Variants in STMN1 observed in about 807,000 individuals in gnomAD.
STMN1 encodes the protein stathmin 1, also known as stathmin.
In STMN1, 3 loss-of-function variants were observed where a neutral mutation model predicts 19.7. The observed-to-expected ratio is 0.15, with a 90% confidence interval of 0.07 to 0.39. STMN1 has a LOEUF of 0.39. Among genes scored for constraint, STMN1 ranks in the 10% least tolerant of loss-of-function variants. The pLI is 1.00. For synonymous variants in STMN1, 59 were observed against 58.9 expected (o/e 1.00, Z -0.01); for missense variants, 99 against 176.0 (o/e 0.56, Z 2.48).
chr1:25,897,914 G>A (rs2048833342), downstream of STMN1, among the ~76,000 whole-genome samples: 1 of 152,272 alleles, frequency 6.6e-6, no homozygotes, highest in South Asian at 2.1e-4. Context: ...CAAGTTTAGA[G>A]CACATGTCCC....
At chr1:25,898,843 A>G (rs1250146345), downstream of STMN1, among the ~76,000 whole-genome samples, 3 of 152,206 alleles carry the variant, frequency 2.0e-5, no homozygotes, top group African/African-American at 7.2e-5. Flanking sequence ...ATGCATACCC[A>G]GAGACACTTC....
At chr1:25,892,626 C>A (rs1451284261) in intron 4 of STMN1, 1 of 984,134 alleles carries the variant, frequency 1.0e-6, no homozygotes, top group African/African-American at 1.8e-5. Context: ...AAACAACCGC[C>A]TCCCTACACT....
Position 25,900,444 on chromosome 1 carries a change from CG to C in STMN1, c.*571del, listed in dbSNP as rs2048858613. Reference sequence around the variant, plus strand: ...CTGGGGCAAGAAACGGGGCAGAGAACGTGCGGTCATTTGTGCGTTGGGTATT... The same window carrying C: ...CTGGGGCAAGAAACGGGGCAGAGAACTGCGGTCATTTGTGCGTTGGGTATT... On this transcript the variant is annotated 3_prime_UTR_variant, in exon 5 of 5. Coordinates refer to ENST00000455785, the MANE Select transcript of STMN1 (RefSeq NM_005563.4). The C allele has an allele frequency of 3.0e-6, 3 of 985,730 alleles. No individual in the cohort carries two copies. The highest frequency in any genetic ancestry group is 3.6e-6 in the Non-Finnish European group (3 of 829,986). The allele number at this position is 985,730 out of a possible 1,614,324, so 61.1% of individuals were successfully genotyped here. A position where few individuals can be genotyped will look rare whatever the true frequency, so the allele number is the denominator to read the frequency against.
At chr1:25,904,319 C>G (rs1227711100) in intron 2 of STMN1, among the ~76,000 whole-genome samples, 1 of 151,942 alleles carries the variant, frequency 6.6e-6, no homozygotes, top group Admixed American at 6.6e-5. Flanking sequence ...AAGGTGAGAC[C>G]CTGTCTCAAA....
intron 4 of STMN1, among the ~76,000 whole-genome samples, chr1:25,887,961 A>C (rs1475008016): frequency 2.0e-5 from 3 of 152,224 alleles, no homozygotes; most frequent in Non-Finnish European, 4.4e-5. Context: ...CTGGGATTAC[A>C]GGCGTGAGCC....
downstream of STMN1, among the ~76,000 whole-genome samples, chr1:25,895,670 T>C (rs1487156015): frequency 6.6e-6 from 1 of 152,230 alleles, no homozygotes; most frequent in Non-Finnish European, 1.5e-5. Flanking sequence ...TTTTTCAAGA[T>C]AAGCTTGAAA....
downstream of STMN1, among the ~76,000 whole-genome samples, chr1:25,896,222 C>T (rs2048817303): frequency 6.6e-6 from 1 of 152,200 alleles, no homozygotes; most frequent in Non-Finnish European, 1.5e-5. Context: ...TTACTTCTCG[C>T]CTATGGAATG....
chr1:25,897,421 C>A (rs1428889805), downstream of STMN1, among the ~76,000 whole-genome samples: 1 of 152,018 alleles, frequency 6.6e-6, no homozygotes, highest in African/African-American at 2.4e-5. Flanking sequence ...GGTAGCCAAA[C>A]TGTCATCTGG....
At chr1:25,888,512 TTG>T (rs2048743938) in intron 4 of STMN1, among the ~76,000 whole-genome samples, 1 of 152,164 alleles carries the variant, frequency 6.6e-6, no homozygotes, top group African/African-American at 2.4e-5. Flanking sequence ...GAACTCTGGG[TTG>T]ACTAGCTCAG....
chr1:25,891,744 C>T (rs1044764070), intron 4 of STMN1, among the ~76,000 whole-genome samples: 1 of 152,046 alleles, frequency 6.6e-6, no homozygotes, highest in Non-Finnish European at 1.5e-5. Context: ...AGGCTGTGAG[C>T]CCCCTGCTCT....
chr1:25,893,927 A>G (rs1376475113), intron 4 of STMN1, among the ~76,000 whole-genome samples: 1 of 152,186 alleles, frequency 6.6e-6, no homozygotes, highest in Non-Finnish European at 1.5e-5. Flanking sequence ...GGGGTGGGGT[A>G]GCCTGGATTG....
rs2048864494 is a variant in STMN1, at chr1:25,900,908, T to C, written c.*108A>G. 1 of 1,588,460 alleles carries C rather than the reference T, an allele frequency of 6.3e-7. No homozygotes were observed. The highest frequency in any genetic ancestry group is 8.6e-7 in the Non-Finnish European group (1 of 1,167,974). On this transcript the variant is annotated 3_prime_UTR_variant, in exon 5 of 5. Transcript: ENST00000455785. The stretch of plus-strand genomic sequence containing the variant: ...CTGGATCTACCTATACAGTCCTACA[T>C]TAGCTTCTAAAATATTTGTCAGGAG...
chr1:25,886,988 G>A (rs1474705297), intron 4 of STMN1, among the ~76,000 whole-genome samples: 1 of 152,038 alleles, frequency 6.6e-6, no homozygotes, highest in African/African-American at 2.4e-5. Context: ...CCACCACCCT[G>A]TTCTGACTTG....
At chr1:25,892,412 C>G in intron 4 of STMN1, 4 of 182,970 alleles carry the variant, frequency 2.2e-5, no homozygotes, top group Non-Finnish European at 3.9e-5. Flanking sequence ...TAAATAAAAT[C>G]TCTGCCCTGC....
chr1:25,890,607 G>A (rs934841254), intron 4 of STMN1, among the ~76,000 whole-genome samples: 7 of 152,146 alleles, frequency 4.6e-5, no homozygotes, highest in South Asian at 2.1e-4. Context: ...GTGCCTGCAC[G>A]GAATAAAAGC....
chr1:25,894,732 A>AT (rs1453917931), intron 4 of STMN1, among the ~76,000 whole-genome samples: 2 of 152,060 alleles, frequency 1.3e-5, no homozygotes, highest in Non-Finnish European at 2.9e-5. Context: ...ATTTACTTTC[A>AT]TTTTTTAATT....
chr1:25,898,519 C>T (rs1167484171), downstream of STMN1, among the ~76,000 whole-genome samples: 1 of 152,212 alleles, frequency 6.6e-6, no homozygotes, highest in Non-Finnish European at 1.5e-5. Flanking sequence ...CCATCCCTAG[C>T]GCAAAGGCCA....
Position 25,900,577 on chromosome 1 carries a change from G to C in STMN1, c.*439C>G. On this transcript the variant is annotated 3_prime_UTR_variant, in exon 5 of 5. Transcript: ENST00000455785. ...AGAAGTCACTGCCACCAACAGCACT[G>C]TGCAGTTTTATTAACCATTCAAGTC... 1 of 987,992 alleles carries C rather than the reference G, an allele frequency of 1.0e-6. No homozygotes were observed. The highest frequency in any genetic ancestry group is 1.2e-6 in the Non-Finnish European group (1 of 831,446). 61.2% of individuals were successfully genotyped at this position (987,992 alleles called of 1,614,324 possible). A position where few individuals can be genotyped will look rare whatever the true frequency, so the allele number is the denominator to read the frequency against.
chr1:25,905,332 T>G (rs1265796760), intron 1 of STMN1: 7 of 152,366 alleles, frequency 4.6e-5, no homozygotes, highest in Admixed American at 2.0e-4. Flanking sequence ...GTATCTCTTG[T>G]TGATCTTTTT....
Sources: gnomAD v4.1 joint callset for allele counts (sites outside exome capture counted in the v4.1 genomes callset) on GRCh38, gnomAD v4.1.1 for gene constraint, MANE v1.5 for transcripts, NCBI Gene and HGNC (gene_info 2026-07-23, HGNC 2026-07-21) for gene names.